KIF13A: variants seen among roughly 807,000 people sequenced by gnomAD.
KIF13A encodes the protein kinesin family member 13A, also known as kinesin-like protein KIF13A.
A neutral mutation model predicts 212.2 loss-of-function variants in KIF13A; 79 were observed. The observed-to-expected ratio is 0.37, with a 90% confidence interval of 0.31 to 0.45. The LOEUF is 0.45. Ranked by LOEUF, KIF13A falls within the 20% of genes least tolerant of loss-of-function variation. The pLI is 1.00. For missense variants in KIF13A, 1,901 were observed against 2,209.0 expected, an observed-to-expected ratio of 0.86 and a Z score of 2.79; for synonymous variants, 789 against 808.6, an observed-to-expected ratio of 0.98 and a Z score of 0.41.
At chr6:17,980,224 A>C (rs986765692) in intron 2 of KIF13A, among the ~76,000 whole-genome samples, 2 of 152,250 alleles carry the variant, frequency 1.3e-5, no homozygotes, top group African/African-American at 4.8e-5. Context: ...ACAGTGGAAT[A>C]ATGTCTTTAA....
At position 17,987,389 on chromosome 6, in the gene KIF13A, A is replaced by C. The variant is rs1241445553; in HGVS notation, c.55+20T>G. ...GCCCTCAGCCCGAGCAGAAATAAAA[A>C]AGAGCGGAAAGCTCCTCACCTCGTC... On this transcript the variant is annotated intron_variant, in intron 1 of 38. Coordinates refer to ENST00000259711, the MANE Select transcript of KIF13A (RefSeq NM_022113.6). The surrounding 1 kb of genome is among the most constrained non-coding windows in gnomAD (Gnocchi z 7.7). The C allele has an allele frequency of 2.2e-6, 3 of 1,357,196 alleles. No individual in the cohort carries two copies. The highest frequency in any genetic ancestry group is 2.1e-4 in the Middle Eastern group (1 of 4,770). 84.1% of individuals were successfully genotyped at this position (1,357,196 alleles called of 1,614,324 possible).
intron 3 of KIF13A, among the ~76,000 whole-genome samples, chr6:17,893,946 TCTC>T (rs1286799374): frequency 6.7e-6 from 1 of 148,828 alleles, no homozygotes; most frequent in Admixed American, 6.8e-5. Context: ...TTCAAGTGAT[TCTC>T]CTGTCTCAGC....
chr6:17,809,801 C>A lies in KIF13A; in HGVS notation c.2001-871G>T, dbSNP rs182195901. Reference sequence around the variant, plus strand: ...CTTCTCTTTTCCACCATTTATACGCCGCAGGAAATGCTTACATCATAGAAA... The same window carrying A: ...CTTCTCTTTTCCACCATTTATACGCAGCAGGAAATGCTTACATCATAGAAA... On this transcript the variant is annotated intron_variant, in intron 17 of 38. Transcript: ENST00000259711. The surrounding 1 kb of genome is among the most constrained non-coding windows in gnomAD (Gnocchi z 4.7). Among the ~76,000 whole-genome samples the A allele has an allele frequency of 2.0e-5, 3 of 152,274 alleles. No individual in the cohort carries two copies. The highest frequency in any genetic ancestry group is 7.2e-5 in the African/African-American group (3 of 41,546).
rs971217641 is a variant in KIF13A at position 17,951,559 on chromosome 6, C to T, written c.146+35495G>A. The T allele has an allele frequency of 2.4e-6, 1 of 417,728 alleles. No homozygotes were observed. Among genetic ancestry groups the T allele is most frequent in the African/African-American group, 2.1e-5 (1 of 48,740 alleles). The allele number at this position is 417,728 out of a possible 1,614,324, so 25.9% of individuals were successfully genotyped here. A position where few individuals can be genotyped will look rare whatever the true frequency, so the allele number is the denominator to read the frequency against. ...AGTTATGTGGCTATCACCACAACTG[C>T]AGAACATTCTCAATACCCCCCTCAA... On this transcript the variant is annotated intron_variant, in intron 2 of 38. Coordinates refer to ENST00000259711, the MANE Select transcript of KIF13A (RefSeq NM_022113.6). This position sits in a 1 kb window ranked among gnomAD's most constrained non-coding sequence, Gnocchi z 4.9.
intron 2 of KIF13A, among the ~76,000 whole-genome samples, chr6:17,944,515 T>G (rs980058679): frequency 6.6e-6 from 1 of 152,120 alleles, no homozygotes; most frequent in Non-Finnish European, 1.5e-5. Context: ...CAACTCCAAT[T>G]GCACACACAT....
In KIF13A at chr6:17,799,835, G is replaced by T; in HGVS notation, c.2616+117C>A. On this transcript the variant is annotated intron_variant, in intron 21 of 38. Transcript: ENST00000259711. The surrounding 1 kb of genome is among the most constrained non-coding windows in gnomAD (Gnocchi z 4.4). The stretch of plus-strand genomic sequence containing the variant: ...CAAAGTACTGTCCACCACTGTATCT[G>T]CTGTTACAAAATCCAACTTTTACTA... The T allele has an allele frequency of 9.5e-7, 1 of 1,048,180 alleles. No individual in the cohort carries two copies. The highest frequency in any genetic ancestry group is 1.4e-6 in the Non-Finnish European group (1 of 702,888). The allele number at this position is 1,048,180 out of a possible 1,614,324, so 64.9% of individuals were successfully genotyped here. A position where few individuals can be genotyped will look rare whatever the true frequency, so the allele number is the denominator to read the frequency against.
chr6:17,904,691 T>C (rs939471606), intron 2 of KIF13A, among the ~76,000 whole-genome samples: 2 of 152,218 alleles, frequency 1.3e-5, no homozygotes, highest in African/African-American at 4.8e-5. Context: ...CTGAAAGATA[T>C]CTGGGTCAAG....
chr6:17,917,591 T>G (rs1215021545), intron 2 of KIF13A, among the ~76,000 whole-genome samples: 2 of 152,070 alleles, frequency 1.3e-5, no homozygotes, highest in Admixed American at 6.5e-5. Flanking sequence ...TTACCACTAT[T>G]GAGGTGGACT....
intron 2 of KIF13A, among the ~76,000 whole-genome samples, chr6:17,925,275 G>A (rs1775404580): frequency 6.6e-6 from 1 of 152,224 alleles, no homozygotes; most frequent in African/African-American, 2.4e-5. Flanking sequence ...GAGGTGTGCA[G>A]GTGAGAGAGG....
chr6:17,897,329 C>G lies in KIF13A; in HGVS notation c.159+839G>C, dbSNP rs1772662225. Among the ~76,000 whole-genome samples, 1 of 152,144 alleles carries G rather than the reference C, an allele frequency of 6.6e-6. No homozygotes were observed. The highest frequency in any genetic ancestry group is 1.5e-5 in the Non-Finnish European group (1 of 68,020). ...TGTGTAGGTAAAGCCTGTTCTAATC[C>G]TATCTCAAGAACCACAGCTATAATC... is the stretch of plus-strand genomic sequence containing the variant. On this transcript the variant is annotated intron_variant, in intron 3 of 38. Coordinates refer to ENST00000259711, the MANE Select transcript of KIF13A (RefSeq NM_022113.6). This position sits in a 1 kb window ranked among gnomAD's most constrained non-coding sequence, Gnocchi z 4.8.
At position 17,839,931 on chromosome 6, in the gene KIF13A, T is replaced by C. The variant is rs1295087141; in HGVS notation, c.831-2348A>G. 6.6e-6 allele frequency among the ~76,000 whole-genome samples: 1 copy of C among 152,232 alleles called. No homozygotes were observed. ...TGCAGAATTGTGAGAAATAAATTTC[T>C]GTTGTTTTAAGCTACTCAGTTTGTG... On this transcript the variant is annotated intron_variant, in intron 9 of 38. Transcript: ENST00000259711. The surrounding 1 kb of genome is among the most constrained non-coding windows in gnomAD (Gnocchi z 4.3).
intron 2 of KIF13A, among the ~76,000 whole-genome samples, chr6:17,959,069 A>G (rs963685242): frequency 4.6e-5 from 7 of 151,706 alleles, no homozygotes; most frequent in Non-Finnish European, 1.0e-4. Flanking sequence ...TAAAATTTAT[A>G]TTTTGTAGAG....
chr6:17,874,999 GCA>G (rs1554188630), intron 3 of KIF13A, among the ~76,000 whole-genome samples: 99 of 120,256 alleles, frequency 8.2e-4, no homozygotes, highest in South Asian at 1.7e-3. Flanking sequence ...ACACGCACAC[GCA>G]CGCACACACA....
chr6:17,784,733 G>A (rs4716185), intron 28 of KIF13A, among the ~76,000 whole-genome samples: 139,571 of 152,196 alleles, frequency 0.92, 64,085 homozygotes, highest in East Asian at 0.99. Flanking sequence ...TAGGCTGTCT[G>A]TAAGAAGTGG....
In KIF13A at chr6:17,804,508, T is replaced by C; in HGVS notation, c.2307A>G (p.Ala769=). 6.3e-7 allele frequency: 1 copy of C among 1,593,478 alleles called. No homozygotes were observed. The highest frequency in any genetic ancestry group is 8.6e-7 in the Non-Finnish European group (1 of 1,168,892). ...YQEWKEKVPE[A]KRLYGKRGDP... is the part of the protein sequence containing the mutation. ...CACCTCGTTTTCCGTAGAGTCTCTTTGCCTGAGAAGTAGGAGGGGCCAGTG... is the reference window on the plus strand; with the variant it reads ...CACCTCGTTTTCCGTAGAGTCTCTTCGCCTGAGAAGTAGGAGGGGCCAGTG... The change falls in exon 20 of 39, where the codon GCA becomes GCG. Residue 769 remains alanine (A), a splice_region_variant and synonymous_variant. Transcript: ENST00000259711.
rs199994802 is a variant in KIF13A, at chr6:17,963,418, C to CA, written c.146+23635dup. Among the ~76,000 whole-genome samples, 1,711 of 150,504 alleles carry CA rather than the reference C, an allele frequency of 0.011. 35 individuals carry two copies. Among genetic ancestry groups the CA allele is most frequent in the African/African-American group, 0.039 (1,616 of 40,982 alleles). On this transcript the variant is annotated intron_variant, in intron 2 of 38. Transcript: ENST00000259711. The surrounding 1 kb of genome is among the most constrained non-coding windows in gnomAD (Gnocchi z 4.1). The stretch of plus-strand genomic sequence containing the variant: ...GGGCAACAAGAGCAAAACTCCAACT[C>CA]AAAAAAAATAAATAAATAAAAATAG...
intron 38 of KIF13A, 93 bp from the exon 39 acceptor site, chr6:17,765,039 C>T: frequency 1.1e-6 from 1 of 925,090 alleles, no homozygotes; most frequent in Non-Finnish European, 1.6e-6. Context: ...AAGGCATTCA[C>T]ATTCACATGG....
chr6:17,878,023 G>A (rs1233315016), intron 3 of KIF13A, among the ~76,000 whole-genome samples: 1 of 152,206 alleles, frequency 6.6e-6, no homozygotes, highest in Non-Finnish European at 1.5e-5. Flanking sequence ...AAGACTCGTG[G>A]AGCTCATGAG....
At chr6:17,762,158 G>T (rs1758614621), downstream of KIF13A, among the ~76,000 whole-genome samples, 1 of 151,874 alleles carries the variant, frequency 6.6e-6, no homozygotes. Flanking sequence ...TCCCGCCTCA[G>T]CCTCCAGAAT....
Sources: allele counts gnomAD v4.1 joint callset (sites outside exome capture counted in the v4.1 genomes callset), GRCh38; gene constraint gnomAD v4.1.1; non-coding constraint Gnocchi (gnomAD v3.1); transcripts MANE v1.5; gene names NCBI Gene and HGNC (gene_info 2026-07-23, HGNC 2026-07-21).